The following THSD4 variants were observed in gnomAD, a reference collection of about 807,000 sequenced individuals.
The protein encoded by THSD4 is thrombospondin type-1 domain-containing protein 4.
Under a neutral mutation model 119.0 loss-of-function variants are expected in THSD4, and 69 were observed. That is an observed-to-expected ratio of 0.58 (90% CI 0.48 to 0.71). The LOEUF is 0.71. Ranked by LOEUF, THSD4 falls within the 30% of genes least tolerant of loss-of-function variation. THSD4 has a pLI of 0.00. For synonymous variants in THSD4, 524 were observed against 540.4 expected, an observed-to-expected ratio of 0.97 and a Z score of 0.42; for missense variants, 1,393 against 1,391.1, an observed-to-expected ratio of 1.00 and a Z score of -0.02.
At chr15:71,770,889 A>T (rs1274041374) in intron 16 of THSD4, among the ~76,000 whole-genome samples, 175 bp from the exon 17 acceptor site, 6 of 152,204 alleles carry the variant, frequency 3.9e-5, no homozygotes, top group Non-Finnish European at 5.9e-5. Flanking sequence ...TATGGATAGG[A>T]CACACCTGGC....
intron 7 of THSD4, among the ~76,000 whole-genome samples, chr15:71,598,574 G>A (rs1443658425): frequency 6.6e-6 from 1 of 152,066 alleles, no homozygotes; most frequent in Non-Finnish European, 1.5e-5. Context: ...GCTTTGGGCT[G>A]GAATCTTCCA....
At chr15:71,345,909 G>A (rs939638955) in intron 6 of THSD4, among the ~76,000 whole-genome samples, 1 of 151,708 alleles carries the variant, frequency 6.6e-6, no homozygotes, top group Non-Finnish European at 1.5e-5. Flanking sequence ...AGTTGCCAAT[G>A]TGATACATTG....
intron 6 of THSD4, among the ~76,000 whole-genome samples, chr15:71,353,041 G>A (rs1015137117): frequency 4.6e-5 from 7 of 152,142 alleles, no homozygotes; most frequent in Admixed American, 1.3e-4. Context: ...CCTTGCAGGC[G>A]ATAACTCACA....
At chr15:71,372,743 C>T (rs1488667165) in intron 6 of THSD4, among the ~76,000 whole-genome samples, 2 of 152,256 alleles carry the variant, frequency 1.3e-5, no homozygotes, top group African/African-American at 4.8e-5. Context: ...CTTGAGGGGG[C>T]AGTCTGCCCG....
At chr15:71,214,087 A>T (rs1469127051) in intron 3 of THSD4, among the ~76,000 whole-genome samples, 1 of 144,682 alleles carries the variant, frequency 6.9e-6, no homozygotes, top group East Asian at 1.9e-4. Flanking sequence ...ACCAATCAGC[A>T]CTCTGTAAAA....
intron 7 of THSD4, among the ~76,000 whole-genome samples, chr15:71,571,988 A>G (rs2049367561): frequency 6.6e-6 from 1 of 152,218 alleles, no homozygotes; most frequent in Non-Finnish European, 1.5e-5. Flanking sequence ...GTCTCTGCCA[A>G]TCCTAACCTC....
chr15:71,376,242 C>G (rs1367651498), intron 6 of THSD4, among the ~76,000 whole-genome samples: 1 of 130,368 alleles, frequency 7.7e-6, no homozygotes, highest in Non-Finnish European at 1.7e-5. Context: ...GTATGTAGGA[C>G]AAGATGAAGG....
chr15:71,640,783 C>T (rs751085136), intron 7 of THSD4, among the ~76,000 whole-genome samples: 6 of 152,168 alleles, frequency 3.9e-5, no homozygotes, highest in Non-Finnish European at 5.9e-5. Context: ...CCAATTCCAC[C>T]TACCATGTGG....
intron 7 of THSD4, among the ~76,000 whole-genome samples, chr15:71,509,837 A>G (rs911071442): frequency 3.3e-5 from 5 of 152,238 alleles, no homozygotes; most frequent in Non-Finnish European, 7.3e-5. Flanking sequence ...TTCTCTACCA[A>G]GCTACCCAAC....
At chr15:71,427,116 A>C (rs1308994082) in intron 7 of THSD4, among the ~76,000 whole-genome samples, 1 of 152,114 alleles carries the variant, frequency 6.6e-6, no homozygotes, top group Non-Finnish European at 1.5e-5. Context: ...TCTTATTTTA[A>C]TCATTAGAAC....
intron 7 of THSD4, among the ~76,000 whole-genome samples, chr15:71,607,665 G>C (rs2050134708): frequency 6.6e-6 from 1 of 152,178 alleles, no homozygotes; most frequent in Non-Finnish European, 1.5e-5. Context: ...GTACTGAGTA[G>C]GGCTTAATGA....
chr15:71,619,898 T>C (rs2050391349), intron 7 of THSD4, among the ~76,000 whole-genome samples: 1 of 152,236 alleles, frequency 6.6e-6, no homozygotes, highest in Non-Finnish European at 1.5e-5. Flanking sequence ...TTTCTTAATA[T>C]TTCTTCTGTT....
At chr15:71,457,555 T>TA (rs1375409720) in intron 7 of THSD4, among the ~76,000 whole-genome samples, 1 of 152,094 alleles carries the variant, frequency 6.6e-6, no homozygotes, top group South Asian at 2.1e-4. Flanking sequence ...GCCTCCCACC[T>TA]ACCATTCCCA....
At chr15:71,654,327 G>A (rs1042361342) in intron 7 of THSD4, among the ~76,000 whole-genome samples, 3 of 152,098 alleles carry the variant, frequency 2.0e-5, no homozygotes, top group African/African-American at 4.8e-5. Flanking sequence ...CTATATCGAA[G>A]GTCAGTTTTA....
chr15:71,493,264 A>G (rs986844112), intron 7 of THSD4, among the ~76,000 whole-genome samples: 1 of 152,242 alleles, frequency 6.6e-6, no homozygotes, highest in Non-Finnish European at 1.5e-5. Context: ...CTGAATTGTG[A>G]GACCACCTGC....
chr15:71,432,153 A>G lies in THSD4; in HGVS notation c.1152+20330A>G, dbSNP rs74939935. Among the ~76,000 whole-genome samples, 47 of 152,308 alleles carry G rather than the reference A, an allele frequency of 3.1e-4. No individual in the cohort carries two copies. In the East Asian group the frequency reaches 8.9e-3, roughly 29 times the overall value. On this transcript the variant is annotated intron_variant, in intron 7 of 17. Transcript: ENST00000261862. Reference sequence around the variant, plus strand: ...CATTTATACAAATATAACTCAAGGAAAACTAAACACCATTTTGTATTTGCC... The same window carrying G: ...CATTTATACAAATATAACTCAAGGAGAACTAAACACCATTTTGTATTTGCC...
intron 4 of THSD4, among the ~76,000 whole-genome samples, chr15:71,234,922 C>G (rs2044091669): frequency 6.6e-6 from 1 of 152,232 alleles, no homozygotes; most frequent in Non-Finnish European, 1.5e-5. Context: ...CAGGGCTGCA[C>G]TGAGGATCCC....
Position 71,365,131 on chromosome 15 carries a change from T to TTTTGTGTGTGTGTGTGTG in THSD4, c.1016-46555_1016-46554insTTGTGTGTGTGTGTGTGT, listed in dbSNP as rs147188266. Among the ~76,000 whole-genome samples, 944 of 135,890 alleles carry TTTTGTGTGTGTGTGTGTG rather than the reference T, an allele frequency of 6.9e-3. 4 individuals are homozygous for TTTTGTGTGTGTGTGTGTG. The highest frequency in any genetic ancestry group is 0.02 in the Middle Eastern group (5 of 256). The allele number at this position is 135,890 out of a possible 152,430, so 89.1% of individuals were successfully genotyped here. A position where few individuals can be genotyped will look rare whatever the true frequency, so the allele number is the denominator to read the frequency against. On this transcript the variant is annotated intron_variant, in intron 6 of 17. Coordinates refer to ENST00000261862, the MANE Select transcript of THSD4 (RefSeq NM_024817.3). ...GAAAATATATCCACTGCCCCCCCCA[T>TTTTGTGTGTGTGTGTGTG]TGTGTGTGTGTGTGTGTGTGTGTGT...
At chr15:71,669,812 G>A (rs1293443367) in intron 8 of THSD4, among the ~76,000 whole-genome samples, 21 of 152,042 alleles carry the variant, frequency 1.4e-4, no homozygotes, top group East Asian at 1.9e-4. Flanking sequence ...CTCTGAGTGT[G>A]CGTGGGCAGG....
Sources: gnomAD v4.1 joint callset for allele counts (sites outside exome capture counted in the v4.1 genomes callset) on GRCh38, gnomAD v4.1.1 for gene constraint, MANE v1.5 for transcripts, NCBI Gene and HGNC (gene_info 2026-07-23, HGNC 2026-07-21) for gene names.